SPATA13: variants seen among roughly 807,000 people sequenced by gnomAD.
The protein encoded by SPATA13 is spermatogenesis-associated protein 13.
In SPATA13, 50 loss-of-function variants were observed where a neutral mutation model predicts 104.0. The ratio of observed to expected loss-of-function variants is 0.48; its 90% CI spans 0.38 to 0.61. The LOEUF (loss-of-function observed/expected upper bound fraction) is 0.61. Ranked by LOEUF, SPATA13 falls within the 20% of genes least tolerant of loss-of-function variation. SPATA13 has a pLI of 0.00. For missense variants in SPATA13, 1,524 were observed against 1,690.6 expected (o/e 0.90, Z 1.73); for synonymous variants, 606 against 667.5 (o/e 0.91, Z 1.42).
chr13:24,198,198 T>C (rs1361404483), intron 1 of SPATA13, among the ~76,000 whole-genome samples: 1 of 152,184 alleles, frequency 6.6e-6, no homozygotes, highest in Non-Finnish European at 1.5e-5. Flanking sequence ...TTTCACTGTG[T>C]TGGCCAGGCT....
chr13:24,179,542 A>G lies in SPATA13; in HGVS notation c.-112+18610A>G, dbSNP rs112535708. ...TAGTAAGTACATTCATTGTTATGCA[A>G]CCAATCTCCAGAATCTTTTTATCTT... On this transcript the variant is annotated intron_variant, in intron 1 of 12. Coordinates refer to ENST00000382108, the MANE Select transcript of SPATA13 (RefSeq NM_001166271.3). Among the ~76,000 whole-genome samples the G allele has an allele frequency of 7.0e-3, 1,061 of 152,336 alleles. 13 individuals are homozygous for G. The highest frequency in any genetic ancestry group is 0.024 in the African/African-American group (1,011 of 41,560).
chr13:24,102,475 C>CTTTTT (rs34472292), intron 3 of SPATA13, among the ~76,000 whole-genome samples: 1 of 120,840 alleles, frequency 8.3e-6, no homozygotes, highest in Non-Finnish European at 1.8e-5. Context: ...CACAGAATTT[C>CTTTTT]TTTTTTTTTT....
At chr13:24,193,721 A>G (rs1869897490) in intron 1 of SPATA13, among the ~76,000 whole-genome samples, 1 of 152,210 alleles carries the variant, frequency 6.6e-6, no homozygotes. Flanking sequence ...TTTAGCAAAT[A>G]TCAGAGGAGC....
chr13:24,199,749 C>T (rs1390245054), intron 1 of SPATA13, among the ~76,000 whole-genome samples: 1 of 152,212 alleles, frequency 6.6e-6, no homozygotes. Flanking sequence ...ATAACAGTGT[C>T]AGATCACATT....
intron 3 of SPATA13, among the ~76,000 whole-genome samples, chr13:24,075,915 C>A (rs1189807652): frequency 1.3e-5 from 2 of 152,194 alleles, no homozygotes; most frequent in African/African-American, 4.8e-5. Flanking sequence ...GAAATAATTT[C>A]TGCAGAAGAA....
chr13:24,178,984 C>G (rs914002109), intron 1 of SPATA13, among the ~76,000 whole-genome samples: 1 of 152,202 alleles, frequency 6.6e-6, no homozygotes, highest in Non-Finnish European at 1.5e-5. Flanking sequence ...TAGTCTGTCC[C>G]TCTACATTTG....
chr13:24,229,608 C>T (rs894556561), intron 2 of SPATA13, among the ~76,000 whole-genome samples: 3 of 152,058 alleles, frequency 2.0e-5, no homozygotes, highest in African/African-American at 7.2e-5. Flanking sequence ...ACGTTAAGGT[C>T]GGTTCTTTCC....
At chr13:24,050,655 C>T (rs1054664556) in intron 3 of SPATA13, among the ~76,000 whole-genome samples, 1 of 152,198 alleles carries the variant, frequency 6.6e-6, no homozygotes, top group Non-Finnish European at 1.5e-5. Flanking sequence ...TGTGCTGTGC[C>T]TCAGCCAGAA....
At chr13:24,241,875 G>A (rs1194443528) in intron 2 of SPATA13, among the ~76,000 whole-genome samples, 2 of 151,992 alleles carry the variant, frequency 1.3e-5, no homozygotes, top group Non-Finnish European at 2.9e-5. Context: ...AACATAGTGA[G>A]ACCCCTATCT....
intron 1 of SPATA13, among the ~76,000 whole-genome samples, chr13:24,164,586 G>C (rs1371148074): frequency 6.6e-6 from 1 of 152,204 alleles, no homozygotes; most frequent in Non-Finnish European, 1.5e-5. Flanking sequence ...AGGTGAGGAT[G>C]GTTATAACTG....
chr13:24,266,086 G>T (rs1874283761), intron 4 of SPATA13, among the ~76,000 whole-genome samples: 1 of 152,136 alleles, frequency 6.6e-6, no homozygotes, highest in African/African-American at 2.4e-5. Context: ...TCCTCCTAGA[G>T]AGGTCAAGTG....
intron 3 of SPATA13, among the ~76,000 whole-genome samples, chr13:24,042,126 G>GTGTCGTC (rs112952621): frequency 6.6e-6 from 1 of 151,660 alleles, no homozygotes. Flanking sequence ...AGAAAGCGCG[G>GTGTCGTC]TGTCCTCTGT....
intron 1 of SPATA13, among the ~76,000 whole-genome samples, chr13:24,217,219 T>G (rs1401815998): frequency 6.6e-6 from 1 of 152,216 alleles, no homozygotes; most frequent in African/African-American, 2.4e-5. Context: ...ATAGCAAGAT[T>G]GAGTCTCTTA....
intron 2 of SPATA13, among the ~76,000 whole-genome samples, chr13:24,004,787 G>A (rs897332845): frequency 6.6e-6 from 1 of 152,124 alleles, no homozygotes; most frequent in African/African-American, 2.4e-5. Flanking sequence ...AGTGACAGTA[G>A]GCTAATAATA....
At chr13:24,229,807 A>G (rs1167560658) in intron 2 of SPATA13, among the ~76,000 whole-genome samples, 3 of 152,202 alleles carry the variant, frequency 2.0e-5, no homozygotes, top group Non-Finnish European at 4.4e-5. Context: ...GATACAAGAG[A>G]CCAGTTAGGT....
At chr13:24,125,715 T>C (rs1018118715) in intron 3 of SPATA13, among the ~76,000 whole-genome samples, 7 of 151,982 alleles carry the variant, frequency 4.6e-5, no homozygotes, top group Non-Finnish European at 8.8e-5. Flanking sequence ...AGAGTTCATT[T>C]TGGAGGTGAG....
chr13:24,096,289 T>C (rs976846731), intron 3 of SPATA13, among the ~76,000 whole-genome samples: 1 of 151,964 alleles, frequency 6.6e-6, no homozygotes, highest in African/African-American at 2.4e-5. Flanking sequence ...GAAAAAAGAG[T>C]GTTATAATAG....
At chr13:24,122,380 A>T in intron 3 of SPATA13, 1 of 1,571,708 alleles carries the variant, frequency 6.4e-7, no homozygotes, top group South Asian at 1.1e-5. Context: ...TTCATCATCA[A>T]TGATTGTGGA....
intron 3 of SPATA13, chr13:24,122,491 C>G (rs1205473193): frequency 1.2e-6 from 2 of 1,607,934 alleles, no homozygotes; most frequent in East Asian, 4.5e-5. Flanking sequence ...ATATTCTTGC[C>G]CATCTTCATC....
Sources: allele counts gnomAD v4.1 joint callset (sites outside exome capture counted in the v4.1 genomes callset), GRCh38; gene constraint gnomAD v4.1.1; transcripts MANE v1.5; gene names NCBI Gene and HGNC (gene_info 2026-07-23, HGNC 2026-07-21).